Variants in GAB1 observed in about 807,000 individuals in gnomAD.
GAB1 encodes the protein GRB2 associated binding protein 1, also known as GRB2-associated-binding protein 1.
Under a neutral mutation model 66.5 loss-of-function variants are expected in GAB1, and 19 were observed. That is an observed-to-expected ratio of 0.29 (90% confidence interval 0.20 to 0.42). The LOEUF (loss-of-function observed/expected upper bound fraction) is 0.42, where lower values mean the gene tolerates loss of function less well. Ranked by LOEUF, GAB1 falls within the 10% of genes least tolerant of loss-of-function variation. The probability of loss-of-function intolerance (pLI) is 1.00; values close to 1 mark genes in which losing one functional copy is unlikely to be tolerated. For missense variants in GAB1, 732 were observed against 858.5 expected (o/e 0.85, Z 1.84); for synonymous variants, 294 against 301.4 (o/e 0.98, Z 0.25).
At chr4:143,454,902 T>C (rs1035666290) in intron 6 of GAB1, among the ~76,000 whole-genome samples, 11 of 150,386 alleles carry the variant, frequency 7.3e-5, no homozygotes, top group Non-Finnish European at 8.9e-5. Context: ...TTCTCTCTCT[T>C]TTTTTTTTAA....
chr4:143,363,266 A>G (rs1729735641), intron 1 of GAB1, among the ~76,000 whole-genome samples: 1 of 152,144 alleles, frequency 6.6e-6, no homozygotes, highest in South Asian at 2.1e-4. Context: ...ATCATTTATC[A>G]TGAGTTGTGA....
chr4:143,469,123 C>T lies in GAB1; in HGVS notation c.2019C>T (p.Thr673=), dbSNP rs1373865041. ...AGAAGACCTTGGCTCTAAAGAGTACCCGGGAAGCCTGGACAGATGGGAGAC... is the reference window on the plus strand; with the variant it reads ...AGAAGACCTTGGCTCTAAAGAGTACTCGGGAAGCCTGGACAGATGGGAGAC... ...DQQKTLALKS[T]REAWTDGRQS... The change falls in exon 10 of 10, where the codon ACC becomes ACT. Residue 673 remains threonine, a synonymous_variant. Transcript: ENST00000262994. The T allele has an allele frequency of 6.2e-7, 1 of 1,613,954 alleles. No individual in the cohort carries two copies. Among genetic ancestry groups the T allele is most frequent in the Non-Finnish European group, 8.5e-7 (1 of 1,179,986 alleles).
chr4:143,380,028 A>G (rs1730589563), intron 1 of GAB1, among the ~76,000 whole-genome samples: 1 of 149,116 alleles, frequency 6.7e-6, no homozygotes, highest in Non-Finnish European at 1.5e-5. Context: ...ATTAGGCATT[A>G]GCATACTAGA....
intron 1 of GAB1, among the ~76,000 whole-genome samples, chr4:143,338,184 G>C (rs1728721705): frequency 6.6e-6 from 1 of 152,194 alleles, no homozygotes; most frequent in South Asian, 2.1e-4. Context: ...AGAGGTCTGG[G>C]ATCTTATTCT....
At chr4:143,437,394 A>G (rs1733992490) in intron 3 of GAB1, among the ~76,000 whole-genome samples, 2 of 152,238 alleles carry the variant, frequency 1.3e-5, no homozygotes, top group South Asian at 4.1e-4. Context: ...TTAACTCTGT[A>G]TCACGTATTT....
rs557454991 is a variant in GAB1, at chr4:143,462,496, TG to T, written c.1803+2012del. Among the ~76,000 whole-genome samples the T allele has an allele frequency of 3.5e-4, 54 of 152,168 alleles. No individual in the cohort carries two copies. In the East Asian group the frequency reaches 0.01, roughly 28 times the overall value. On this transcript the variant is annotated intron_variant, in intron 8 of 9. Transcript: ENST00000262994. ...GAAAGTTTAAAAATGTGATTTGTCA[TG>T]GGTGTTAGATGAAGGGAAAAGATGA...
intron 1 of GAB1, among the ~76,000 whole-genome samples, chr4:143,382,254 A>T (rs1730687251): frequency 6.6e-6 from 1 of 152,198 alleles, no homozygotes; most frequent in African/African-American, 2.4e-5. Context: ...TATTTAAGGC[A>T]GGTAGAATTT....
chr4:143,425,684 G>C (rs1733314451), intron 2 of GAB1: 1 of 759,710 alleles, frequency 1.3e-6, no homozygotes, highest in Admixed American at 1.7e-5. Context: ...AAAAAGAAGA[G>C]CAGGCTGCTA....
rs1736192117 is a variant in GAB1 at position 143,474,532 on chromosome 4, T to C, written c.*5343T>C. ...TTGTAGATGTGATTAACATTTACAA[T>C]CAGTTGATTTTAAGTAAAGCAGATT... On this transcript the variant is annotated 3_prime_UTR_variant, in exon 10 of 10. Coordinates refer to ENST00000262994, the MANE Select transcript of GAB1 (RefSeq NM_002039.4). The C allele has an allele frequency of 6.6e-6, 1 of 152,188 alleles. No homozygotes were observed. The highest frequency in any genetic ancestry group is 2.1e-4 in the South Asian group (1 of 4,826). 9.4% of individuals were successfully genotyped at this position (152,188 alleles called of 1,614,324 possible).
chr4:143,362,467 AT>A (rs1249034679), intron 1 of GAB1, among the ~76,000 whole-genome samples: 2 of 152,110 alleles, frequency 1.3e-5, no homozygotes, highest in African/African-American at 4.8e-5. Flanking sequence ...CTGGTTGGCT[AT>A]TTTTATGCTT....
chr4:143,389,033 C>T (rs967469594), intron 1 of GAB1, among the ~76,000 whole-genome samples: 31 of 152,184 alleles, frequency 2.0e-4, no homozygotes, highest in African/African-American at 7.0e-4. Context: ...GCATTTTCTA[C>T]ACCAGCCTGC....
At chr4:143,348,344 A>G (rs1581213083) in intron 1 of GAB1, among the ~76,000 whole-genome samples, 1 of 152,208 alleles carries the variant, frequency 6.6e-6, no homozygotes, top group African/African-American at 2.4e-5. Flanking sequence ...ACAGCAACTC[A>G]GAGTCAGAAT....
At chr4:143,373,851 C>G (rs1376913853) in intron 1 of GAB1, among the ~76,000 whole-genome samples, 1 of 76,064 alleles carries the variant, frequency 1.3e-5, no homozygotes, top group African/African-American at 6.2e-5. Flanking sequence ...CTCTCTCTCT[C>G]TCTCTGTAAA....
chr4:143,386,864 TG>T (rs1175880288), intron 1 of GAB1, among the ~76,000 whole-genome samples: 2 of 152,176 alleles, frequency 1.3e-5, no homozygotes, highest in Admixed American at 1.3e-4. Context: ...ATACACAACA[TG>T]TAGTTGCTGC....
At chr4:143,430,457 G>T (rs2149741942) in intron 2 of GAB1, among the ~76,000 whole-genome samples, 1 of 152,272 alleles carries the variant, frequency 6.6e-6, no homozygotes, top group Non-Finnish European at 1.5e-5. Flanking sequence ...ACCTAAACAT[G>T]TCAAATAGTC....
intron 7 of GAB1, among the ~76,000 whole-genome samples, 170 bp downstream of exon 7, chr4:143,459,648 T>C (rs185369193): frequency 2.8e-4 from 43 of 152,308 alleles, no homozygotes; most frequent in African/African-American, 8.9e-4. Flanking sequence ...ATTAAGATGT[T>C]ATTTTCTGTA....
At chr4:143,346,077 G>A (rs1728983520) in intron 1 of GAB1, among the ~76,000 whole-genome samples, 1 of 151,116 alleles carries the variant, frequency 6.6e-6, no homozygotes, top group African/African-American at 2.4e-5. Context: ...AAAGCACTCT[G>A]TGCCATAGTT....
chr4:143,400,487 T>A (rs1203000355), intron 1 of GAB1, among the ~76,000 whole-genome samples: 1 of 152,214 alleles, frequency 6.6e-6, no homozygotes, highest in African/African-American at 2.4e-5. Flanking sequence ...GAGCTGGAGT[T>A]GGGGCTTCAC....
At chr4:143,439,942 T>C in intron 5 of GAB1, 55 bp downstream of exon 5, 1 of 1,451,496 alleles carries the variant, frequency 6.9e-7, no homozygotes, top group Non-Finnish European at 9.7e-7. Flanking sequence ...TAAATCTTCA[T>C]AATTAGTGCC....
Sources: gnomAD v4.1 joint callset for allele counts (sites outside exome capture counted in the v4.1 genomes callset) on GRCh38, gnomAD v4.1.1 for gene constraint, MANE v1.5 for transcripts, NCBI Gene and HGNC (gene_info 2026-07-23, HGNC 2026-07-21) for gene names.